The following LHFPL6 variants were observed in gnomAD, a reference collection of about 807,000 sequenced individuals.
LHFPL6 encodes LHFPL tetraspan subfamily member 6 protein.
In LHFPL6, 9 loss-of-function variants were observed where a neutral mutation model predicts 20.6. That is an observed-to-expected ratio of 0.44 (90% confidence interval 0.26 to 0.76). LHFPL6 has a LOEUF of 0.76. Among genes scored for constraint, LHFPL6 ranks in the 30% least tolerant of loss-of-function variants. The probability of loss-of-function intolerance (pLI) is 0.20; values close to 1 mark genes in which losing one functional copy is unlikely to be tolerated. For missense variants in LHFPL6, 218 were observed against 253.5 expected (o/e 0.86, Z 0.95); for synonymous variants, 105 against 98.7 (o/e 1.06, Z -0.38).
chr13:39,531,015 C>T (rs1229031347), intron 2 of LHFPL6, among the ~76,000 whole-genome samples: 1 of 151,802 alleles, frequency 6.6e-6, no homozygotes, highest in Non-Finnish European at 1.5e-5. Context: ...AGGTGACATT[C>T]ATGAGGTGTC....
chr13:39,603,187 T>TC lies in LHFPL6; in HGVS notation c.-480dup, dbSNP rs1354901319. 6.6e-6 allele frequency: 1 copy of TC among 152,180 alleles called. No individual in the cohort carries two copies. Among genetic ancestry groups the TC allele is most frequent in the African/African-American group, 2.4e-5 (1 of 41,402 alleles). 9.4% of individuals were successfully genotyped at this position (152,180 alleles called of 1,614,324 possible). On this transcript the variant is annotated 5_prime_UTR_variant, in exon 1 of 4. Coordinates refer to ENST00000379589, the MANE Select transcript of LHFPL6 (RefSeq NM_005780.3). ...GGGATCGCACGCAGAGGAGCGGATC[T>TC]CCCTTTGGCAGGCGAGGCACGCACC... is the stretch of plus-strand genomic sequence containing the variant.
intron 2 of LHFPL6, among the ~76,000 whole-genome samples, chr13:39,402,988 TG>T (rs1566103481): frequency 6.6e-6 from 1 of 152,232 alleles, no homozygotes; most frequent in Non-Finnish European, 1.5e-5. Context: ...TGATCAAAGA[TG>T]GAACCTAATT....
intron 2 of LHFPL6, among the ~76,000 whole-genome samples, chr13:39,543,068 T>G (rs557567199): frequency 5.1e-4 from 78 of 152,328 alleles, no homozygotes; most frequent in African/African-American, 1.8e-3. Context: ...TCTGTCTCTA[T>G]GAATTTACCT....
At position 39,378,416 on chromosome 13, in the gene LHFPL6, A is replaced by G. The variant is rs1004254425; in HGVS notation, c.484+12T>C. On this transcript the variant is annotated intron_variant, in intron 3 of 3. Coordinates refer to ENST00000379589, the MANE Select transcript of LHFPL6 (RefSeq NM_005780.3). ...TTTTCTAAAAGGAGTGCCATCCATG[A>G]AGAAAGCTTACCCAGGTCAAACTGG... 6.2e-7 allele frequency: 1 copy of G among 1,608,604 alleles called. No individual in the cohort carries two copies. The highest frequency in any genetic ancestry group is 1.7e-5 in the Admixed American group (1 of 59,984).
chr13:39,459,938 C>T lies in LHFPL6; in HGVS notation c.386-81412G>A, dbSNP rs1038065576. Among the ~76,000 whole-genome samples the T allele has an allele frequency of 2.6e-5, 4 of 152,062 alleles. No homozygotes were observed. In the East Asian group the frequency reaches 7.7e-4, roughly 29 times the overall value. ...AACTGGTGTTGACATATTAGCATAC[C>T]TTACAACTCTTCTAGATTTCCACAA... On this transcript the variant is annotated intron_variant, in intron 2 of 3. Transcript: ENST00000379589.
intron 3 of LHFPL6, among the ~76,000 whole-genome samples, chr13:39,348,918 C>T (rs1477196771): frequency 6.6e-6 from 1 of 152,062 alleles, no homozygotes; most frequent in Non-Finnish European, 1.5e-5. Context: ...AGGTAGTTAA[C>T]GTATCAGGCT....
chr13:39,472,696 C>T (rs1389203269), intron 2 of LHFPL6, among the ~76,000 whole-genome samples: 3 of 152,032 alleles, frequency 2.0e-5, no homozygotes, highest in Non-Finnish European at 1.5e-5. Context: ...GGAACCTCCG[C>T]CTCCTGGGTT....
intron 2 of LHFPL6, among the ~76,000 whole-genome samples, chr13:39,517,447 C>A (rs1019897235): frequency 2.6e-5 from 4 of 152,140 alleles, no homozygotes; most frequent in Admixed American, 6.5e-5. Context: ...TCCTTCTTAT[C>A]CCAATTCTTA....
intron 2 of LHFPL6, among the ~76,000 whole-genome samples, chr13:39,470,416 G>C (rs1872913822): frequency 6.6e-6 from 1 of 151,888 alleles, no homozygotes; most frequent in Admixed American, 6.6e-5. Context: ...TTATATGCCA[G>C]TTTTTATACG....
At chr13:39,404,970 G>GT (rs1311017005) in intron 2 of LHFPL6, among the ~76,000 whole-genome samples, 1 of 152,196 alleles carries the variant, frequency 6.6e-6, no homozygotes, top group Non-Finnish European at 1.5e-5. Flanking sequence ...AAATATTTGA[G>GT]TACTATGTGA....
At chr13:39,413,467 G>GTT (rs1871280715) in intron 2 of LHFPL6, among the ~76,000 whole-genome samples, 1 of 139,966 alleles carries the variant, frequency 7.1e-6, no homozygotes, top group Non-Finnish European at 1.5e-5. Context: ...ATTGGGGGTA[G>GTT]GGGGGGTGGG....
At chr13:39,358,298 C>A (rs79788939) in intron 3 of LHFPL6, among the ~76,000 whole-genome samples, 2 of 152,030 alleles carry the variant, frequency 1.3e-5, no homozygotes, top group Admixed American at 6.5e-5. Context: ...AATGGGGAAA[C>A]GATTCCCTAT....
chr13:39,379,134 C>G (rs1157360223), intron 2 of LHFPL6, among the ~76,000 whole-genome samples: 1 of 152,104 alleles, frequency 6.6e-6, no homozygotes, highest in East Asian at 1.9e-4. Context: ...ATCTAAGCAC[C>G]CCTTGCTGCT....
intron 2 of LHFPL6, among the ~76,000 whole-genome samples, chr13:39,491,327 TA>T (rs1264281185): frequency 1.1e-4 from 16 of 152,012 alleles, no homozygotes; most frequent in Non-Finnish European, 1.9e-4. Flanking sequence ...TGGGTTCGCG[TA>T]AGGGATAACT....
chr13:39,576,211 C>A (rs1372562638), intron 2 of LHFPL6, among the ~76,000 whole-genome samples: 1 of 152,144 alleles, frequency 6.6e-6, no homozygotes, highest in Non-Finnish European at 1.5e-5. Context: ...AGAGTTCATA[C>A]AGACTAGGTT....
chr13:39,451,994 G>C (rs1329815675), intron 2 of LHFPL6, among the ~76,000 whole-genome samples: 1 of 151,992 alleles, frequency 6.6e-6, no homozygotes, highest in African/African-American at 2.4e-5. Flanking sequence ...TTTTGGACCA[G>C]GGCCATGAAC....
At chr13:39,409,383 G>A (rs1320756147) in intron 2 of LHFPL6, among the ~76,000 whole-genome samples, 1 of 152,130 alleles carries the variant, frequency 6.6e-6, no homozygotes, top group Admixed American at 6.5e-5. Context: ...GAACCTGGGA[G>A]GTGGAGGTTG....
At chr13:39,362,509 C>T (rs9548745) in intron 3 of LHFPL6, among the ~76,000 whole-genome samples, 113,548 of 152,178 alleles carry the variant, frequency 0.75, 42,574 homozygotes, top group East Asian at 0.9. Flanking sequence ...TATAAGTATA[C>T]ACAAAATCAG....
intron 2 of LHFPL6, among the ~76,000 whole-genome samples, chr13:39,447,081 AAC>A (rs1872310840): frequency 6.6e-6 from 1 of 152,216 alleles, no homozygotes; most frequent in African/African-American, 2.4e-5. Flanking sequence ...CTTGTATAGG[AAC>A]ACAGAGTTAA....
Sources: allele counts gnomAD v4.1 joint callset (sites outside exome capture counted in the v4.1 genomes callset), GRCh38; gene constraint gnomAD v4.1.1; transcripts MANE v1.5; gene names NCBI Gene and HGNC (gene_info 2026-07-23, HGNC 2026-07-21).